Variants in C12orf50 observed in about 807,000 individuals in gnomAD.
The protein encoded by C12orf50 is uncharacterized protein C12orf50.
In C12orf50, 35 loss-of-function variants were observed where a neutral mutation model predicts 61.6. That is an observed-to-expected ratio of 0.57 (90% CI 0.43 to 0.75). The LOEUF is 0.75. Among genes scored for constraint, C12orf50 ranks in the 30% least tolerant of loss-of-function variants. The pLI is 0.00. For missense variants in C12orf50, 475 were observed against 488.5 expected (o/e 0.97, Z 0.26); for synonymous variants, 178 against 161.5 (o/e 1.10, Z -0.77).
intron 3 of C12orf50, among the ~76,000 whole-genome samples, chr12:88,001,150 A>T (rs574245010): frequency 6.6e-6 from 1 of 151,834 alleles, no homozygotes; most frequent in Non-Finnish European, 1.5e-5. Context: ...TATATTCTTT[A>T]TCAGGTTGAA....
intron 3 of C12orf50, among the ~76,000 whole-genome samples, chr12:88,019,762 G>A (rs1358287959): frequency 1.3e-5 from 2 of 151,736 alleles, no homozygotes; most frequent in Non-Finnish European, 2.9e-5. Flanking sequence ...TGAAACAAAA[G>A]AAAAAAAATG....
intron 3 of C12orf50, among the ~76,000 whole-genome samples, chr12:88,013,820 G>GTAA (rs2032204101): frequency 6.6e-6 from 1 of 152,150 alleles, no homozygotes; most frequent in South Asian, 2.1e-4. Context: ...TTTAATTGGT[G>GTAA]GTTTAGGTGG....
chr12:88,007,761 T>C (rs1312530668), intron 3 of C12orf50, among the ~76,000 whole-genome samples: 1 of 152,172 alleles, frequency 6.6e-6, no homozygotes, highest in African/African-American at 2.4e-5. Flanking sequence ...ATTCACCTAA[T>C]GAAGAGGTAA....
chr12:87,980,187 G>A lies in C12orf50; in HGVS notation c.*144C>T, dbSNP rs2030385938. ...ATGTACTTCCTGCATCTTATTTTCA[G>A]AATTTGCATTTTTATCATCTTTGGC... On this transcript the variant is annotated 3_prime_UTR_variant, in exon 13 of 13. Transcript: ENST00000298699. The A allele has an allele frequency of 1.3e-6, 1 of 783,280 alleles. No homozygotes were observed. Among genetic ancestry groups the A allele is most frequent in the Non-Finnish European group, 2.1e-6 (1 of 478,134 alleles). 48.5% of individuals were successfully genotyped at this position (783,280 alleles called of 1,614,324 possible).
intron 3 of C12orf50, among the ~76,000 whole-genome samples, chr12:88,015,186 A>G (rs978272242): frequency 2.0e-5 from 3 of 152,168 alleles, no homozygotes; most frequent in African/African-American, 7.2e-5. Flanking sequence ...TTATCCTTAT[A>G]ACCATTATGA....
upstream of C12orf50, among the ~76,000 whole-genome samples, chr12:88,029,657 C>G (rs2032827795): frequency 1.3e-5 from 2 of 152,074 alleles, no homozygotes. Flanking sequence ...AAGTATTTCA[C>G]AAGTAAACAG....
rs549244308 is a variant in C12orf50 at position 88,005,704 on chromosome 12, A to G, written c.134-7514T>C. ...GCCCAGGCTGGAGTGCAGTGGCGCT[A>G]TCTTGGCTCACTGCAAGCTCCGCCT... On this transcript the variant is annotated intron_variant, in intron 3 of 12. Coordinates refer to ENST00000298699, the MANE Select transcript of C12orf50 (RefSeq NM_152589.3). Among the ~76,000 whole-genome samples the G allele has an allele frequency of 1.1e-3, 162 of 152,036 alleles. 1 individual carries two copies. Among genetic ancestry groups the G allele is most frequent in the African/African-American group, 3.8e-3 (158 of 41,452 alleles).
At chr12:88,019,293 G>T (rs993832896) in intron 3 of C12orf50, among the ~76,000 whole-genome samples, 2 of 152,096 alleles carry the variant, frequency 1.3e-5, no homozygotes, top group East Asian at 3.9e-4. Flanking sequence ...CTCTTTCTTT[G>T]CTGCTGCCAT....
At chr12:87,984,752 C>T (rs1323851068) in intron 11 of C12orf50, 1 of 152,152 alleles carries the variant, frequency 6.6e-6, no homozygotes, top group Non-Finnish European at 1.5e-5. Context: ...TTGACATTTG[C>T]ACTAATGGTG....
chr12:87,980,124 T>C lies in C12orf50; in HGVS notation c.*207A>G, dbSNP rs1002418951. The C allele has an allele frequency of 1.4e-4, 79 of 551,912 alleles. No homozygotes were observed. Among genetic ancestry groups the C allele is most frequent in the African/African-American group, 1.3e-3 (68 of 52,398 alleles). The allele number at this position is 551,912 out of a possible 1,614,324, so 34.2% of individuals were successfully genotyped here. The stretch of plus-strand genomic sequence containing the variant: ...ACCTACATAAATACACTGGCAGCTG[T>C]TGGTAATTTGCATTTTTATCAGTTT... On this transcript the variant is annotated 3_prime_UTR_variant, in exon 13 of 13. Transcript: ENST00000298699.
rs535648980 is a variant in C12orf50, at chr12:88,004,848, A to G, written c.134-6658T>C. On this transcript the variant is annotated intron_variant, in intron 3 of 12. Coordinates refer to ENST00000298699, the MANE Select transcript of C12orf50 (RefSeq NM_152589.3). ...CTGAACATTGAGTACACATGGACAC[A>G]AACAAGGGAAGAACAGACACTGGGT... Among the ~76,000 whole-genome samples the G allele has an allele frequency of 2.0e-4, 31 of 152,324 alleles. 1 individual carries two copies. The South Asian group carries it at 4.1e-3, about 20-fold the overall frequency.
chr12:87,980,085 G>A lies in C12orf50; in HGVS notation c.*246C>T, dbSNP rs759886348. On this transcript the variant is annotated 3_prime_UTR_variant, in exon 13 of 13. Transcript: ENST00000298699. Reference sequence around the variant, plus strand: ...TATTAAAATGTTTGGAGTAATGCACGGAATGAATTCCAGACCTACATAAAT... The same window carrying A: ...TATTAAAATGTTTGGAGTAATGCACAGAATGAATTCCAGACCTACATAAAT... The A allele has an allele frequency of 1.9e-4, 92 of 475,924 alleles. No individual in the cohort carries two copies. The Middle Eastern group carries it at 2.2e-3, about 11-fold the overall frequency. The allele number at this position is 475,924 out of a possible 1,614,324, so 29.5% of individuals were successfully genotyped here. A position where few individuals can be genotyped will look rare whatever the true frequency, so the allele number is the denominator to read the frequency against.
intron 2 of C12orf50, 58 bp from the exon 3 acceptor site, chr12:88,026,666 A>G (rs2032719064): frequency 1.3e-6 from 2 of 1,579,930 alleles, no homozygotes; most frequent in Non-Finnish European, 1.7e-6. Flanking sequence ...TACAACAAAT[A>G]CAATGTGCTA....
At chr12:88,020,594 A>G (rs1186498360) in intron 3 of C12orf50, among the ~76,000 whole-genome samples, 1 of 152,156 alleles carries the variant, frequency 6.6e-6, no homozygotes, top group African/African-American at 2.4e-5. Flanking sequence ...ATAGTGGGAG[A>G]CTTCAACACT....
chr12:88,028,422 A>G (rs1172874716), intron 1 of C12orf50, among the ~76,000 whole-genome samples: 3 of 152,304 alleles, frequency 2.0e-5, no homozygotes, highest in South Asian at 4.1e-4. Flanking sequence ...AGCTCCAAAT[A>G]TTGAGTTTCT....
At chr12:87,998,272 A>T (rs1268206673) in intron 3 of C12orf50, 82 bp from the exon 4 acceptor site, 1 of 1,025,240 alleles carries the variant, frequency 9.8e-7, no homozygotes, top group Non-Finnish European at 1.4e-6. Context: ...TTGCCCTCCT[A>T]ATTAACTATA....
At chr12:87,983,067 T>C (rs1307376855) in intron 12 of C12orf50, 36 bp downstream of exon 12, 1 of 1,241,034 alleles carries the variant, frequency 8.1e-7, no homozygotes, top group South Asian at 1.4e-5. Context: ...ATTTTCAGAA[T>C]TGCATGATAC....
At chr12:87,985,801 G>T (rs1487884680) in intron 11 of C12orf50, 49 bp downstream of exon 11, 1 of 1,586,374 alleles carries the variant, frequency 6.3e-7, no homozygotes, top group East Asian at 2.2e-5. Flanking sequence ...AAATTCCATG[G>T]GAATGCAAAC....
At chr12:88,003,658 C>T (rs57390507) in intron 3 of C12orf50, among the ~76,000 whole-genome samples, 6,747 of 151,982 alleles carry the variant, frequency 0.044, 470 homozygotes, top group African/African-American at 0.15. Context: ...TTGTTTCTGA[C>T]GGGAAGGTAG....
Sources: allele counts gnomAD v4.1 joint callset (sites outside exome capture counted in the v4.1 genomes callset), GRCh38; gene constraint gnomAD v4.1.1; transcripts MANE v1.5; gene names NCBI Gene and HGNC (gene_info 2026-07-23, HGNC 2026-07-21).